Variants in SELENOI observed in about 807,000 individuals in gnomAD.
SELENOI encodes ethanolaminephosphotransferase 1.
SELENOI carries 24 observed loss-of-function variants against 50.7 expected under a neutral mutation model. That is an observed-to-expected ratio of 0.47 (90% CI 0.34 to 0.67). The LOEUF (loss-of-function observed/expected upper bound fraction) is 0.67. Among genes scored for constraint, SELENOI ranks in the 30% least tolerant of loss-of-function variants. SELENOI has a pLI of 0.01. For synonymous variants in SELENOI, 155 were observed against 170.2 expected, an observed-to-expected ratio of 0.91 and a Z score of 0.70; for missense variants, 352 against 461.4, an observed-to-expected ratio of 0.76 and a Z score of 2.17.
chr2:26,362,000 A>G (rs565718729), intron 1 of SELENOI, among the ~76,000 whole-genome samples: 1 of 152,238 alleles, frequency 6.6e-6, no homozygotes, highest in South Asian at 2.1e-4. Context: ...CTTTTGTCCA[A>G]TTTATTTCAT....
chr2:26,346,366 C>A, intron 1 of SELENOI, 77 bp downstream of exon 1: 1 of 1,488,892 alleles, frequency 6.7e-7, no homozygotes, highest in South Asian at 1.3e-5. Flanking sequence ...GCGGCGCGGT[C>A]CGTGTCACCT....
At chr2:26,377,471 A>G (rs898667716) in intron 6 of SELENOI, among the ~76,000 whole-genome samples, 1 of 152,068 alleles carries the variant, frequency 6.6e-6, no homozygotes, top group African/African-American at 2.4e-5. Context: ...CTCTACAAAA[A>G]AATAGAAAAA....
chr2:26,385,525 AAC>A (rs1226918468), intron 8 of SELENOI, among the ~76,000 whole-genome samples: 1 of 152,244 alleles, frequency 6.6e-6, no homozygotes, highest in Admixed American at 6.5e-5. Flanking sequence ...AGAAAGAGAA[AAC>A]ACACACTTTA....
chr2:26,364,274 C>G (rs1304942553), intron 1 of SELENOI, 28 bp from the exon 2 acceptor site: 9 of 1,477,276 alleles, frequency 6.1e-6, no homozygotes, highest in Non-Finnish European at 7.4e-6. Flanking sequence ...AGGATTTACT[C>G]TGAATATTTT....
chr2:26,356,492 A>G (rs1440302948), intron 1 of SELENOI, among the ~76,000 whole-genome samples: 4 of 152,188 alleles, frequency 2.6e-5, no homozygotes, highest in Admixed American at 6.5e-5. Flanking sequence ...AGGTGTTTTC[A>G]TAGTTTTCCT....
rs138947490 is a variant in SELENOI, at chr2:26,380,626, G to T, written c.683-2673G>T. Among the ~76,000 whole-genome samples the T allele has an allele frequency of 5.1e-3, 771 of 152,290 alleles. 5 individuals are homozygous for T. The highest frequency in any genetic ancestry group is 0.018 in the South Asian group (86 of 4,820). On this transcript the variant is annotated intron_variant, in intron 6 of 9. Coordinates refer to ENST00000260585, the MANE Select transcript of SELENOI (RefSeq NM_033505.4). ...CAGTCTTTTCATATTTTTTGCCAGG[G>T]TGTTGAGGAAGAGGTCCCTAGAAGT...
intron 1 of SELENOI, among the ~76,000 whole-genome samples, chr2:26,352,859 AC>A (rs897874466): frequency 1.3e-5 from 2 of 151,380 alleles, no homozygotes; most frequent in African/African-American, 4.9e-5. Context: ...AAAAAAAAAA[AC>A]CAGAATATTG....
At position 26,367,126 on chromosome 2, in the gene SELENOI, T is replaced by G. The variant is rs1677300435; in HGVS notation, c.236-20T>G. 4 of 1,597,754 alleles carry G rather than the reference T, an allele frequency of 2.5e-6. No individual in the cohort carries two copies. Among genetic ancestry groups the G allele is most frequent in the Non-Finnish European group, 3.4e-6 (4 of 1,171,226 alleles). ...ACTGTACTTAAACTGTATTAAAATCTTAGTTGCTTTCCTTTTCAGCACCAG... is the reference window on the plus strand; with the variant it reads ...ACTGTACTTAAACTGTATTAAAATCGTAGTTGCTTTCCTTTTCAGCACCAG... On this transcript the variant is annotated intron_variant, in intron 3 of 9. Transcript: ENST00000260585.
chr2:26,368,948 C>A (rs1275536802), intron 4 of SELENOI, among the ~76,000 whole-genome samples: 1 of 152,114 alleles, frequency 6.6e-6, no homozygotes, highest in Non-Finnish European at 1.5e-5. Context: ...ATATAGTCTT[C>A]AACAATATAT....
intron 7 of SELENOI, 73 bp downstream of exon 7, chr2:26,383,420 T>G (rs1677751194): frequency 1.0e-5 from 11 of 1,094,834 alleles, no homozygotes; most frequent in Non-Finnish European, 1.4e-5. Context: ...CTTAGGGATC[T>G]ATTTTCCTTT....
chr2:26,358,329 G>A (rs1244048854), intron 1 of SELENOI, among the ~76,000 whole-genome samples: 1 of 152,214 alleles, frequency 6.6e-6, no homozygotes, highest in African/African-American at 2.4e-5. Context: ...GGAGGTTGCA[G>A]TGAGCCGAGA....
At chr2:26,373,101 C>G (rs533684348) in intron 4 of SELENOI, among the ~76,000 whole-genome samples, 1 of 152,186 alleles carries the variant, frequency 6.6e-6, no homozygotes, top group Non-Finnish European at 1.5e-5. Context: ...GTTGCCCAGG[C>G]TGGTCTCAAA....
At chr2:26,355,887 T>TA (rs1677054440) in intron 1 of SELENOI, among the ~76,000 whole-genome samples, 1 of 151,856 alleles carries the variant, frequency 6.6e-6, no homozygotes, top group Admixed American at 6.6e-5. Context: ...ACTACAGTCA[T>TA]ACGCCACCAC....
chr2:26,367,670 G>A (rs929787034), intron 4 of SELENOI, among the ~76,000 whole-genome samples: 1 of 152,130 alleles, frequency 6.6e-6, no homozygotes, highest in Non-Finnish European at 1.5e-5. Flanking sequence ...TTAAGTTTGG[G>A]AAGCAATACT....
chr2:26,348,341 G>A (rs892236133), intron 1 of SELENOI, among the ~76,000 whole-genome samples: 4 of 152,170 alleles, frequency 2.6e-5, no homozygotes, highest in Admixed American at 6.5e-5. Context: ...ATGTAAAGAA[G>A]AACTGACACT....
chr2:26,373,392 C>G lies in SELENOI; in HGVS notation c.336C>G (p.Arg112=), dbSNP rs199740361. Residue 112 remains arginine (R), a synonymous_variant, in exon 5 of 10, where the codon CGC becomes CGG. Transcript: ENST00000260585. The part of the protein sequence containing the change: ...TLDGVDGKQA[R]RTNSSTPLGE... ...ATGGTGTGGACGGAAAGCAAGCTCG[C>G]AGAACCAATTCTAGCACTCCCTTAG... 6.2e-7 allele frequency: 1 copy of G among 1,611,506 alleles called. No individual in the cohort carries two copies. The highest frequency in any genetic ancestry group is 2.2e-5 in the East Asian group (1 of 44,860).
Position 26,394,221 on chromosome 2 carries a change from T to C in SELENOI, c.*5118T>C, listed in dbSNP as rs1402581989. The C allele has an allele frequency of 6.6e-6, 1 of 152,146 alleles. No individual in the cohort carries two copies. Among genetic ancestry groups the C allele is most frequent in the Admixed American group, 6.5e-5 (1 of 15,268 alleles). The allele number at this position is 152,146 out of a possible 1,614,324, so 9.4% of individuals were successfully genotyped here. On this transcript the variant is annotated 3_prime_UTR_variant, in exon 10 of 10. Transcript: ENST00000260585. The surrounding 1 kb of genome is among the most constrained non-coding windows in gnomAD (Gnocchi z 4.1). ...ACCTGAGCAACATGGCGAAACCCCG[T>C]CTGTAATAAAAATACAAAAAAATTA...
intron 6 of SELENOI, among the ~76,000 whole-genome samples, chr2:26,381,198 C>CTTTTTTTATTTTTTTTTTTTTTTTTTT (rs1677689941): frequency 3.3e-5 from 1 of 30,188 alleles, no homozygotes; most frequent in African/African-American, 1.8e-4. Flanking sequence ...TCAGTTTGGT[C>CTTTTTTTATTTTTTTTTTTTTTTTTTT]TTTTTTTTTT....
intron 1 of SELENOI, among the ~76,000 whole-genome samples, chr2:26,349,257 G>T (rs1216624242): frequency 1.4e-5 from 2 of 140,608 alleles, no homozygotes; most frequent in African/African-American, 2.7e-5. Flanking sequence ...CAGGTGATCC[G>T]CCCTGGCCTC....
Sources: allele counts gnomAD v4.1 joint callset (sites outside exome capture counted in the v4.1 genomes callset), GRCh38; gene constraint gnomAD v4.1.1; non-coding constraint Gnocchi (gnomAD v3.1); transcripts MANE v1.5; gene names NCBI Gene and HGNC (gene_info 2026-07-23, HGNC 2026-07-21).